The following IL1RAPL2 variants were observed in gnomAD, a reference collection of about 807,000 sequenced individuals.
The protein encoded by IL1RAPL2 is interleukin 1 receptor accessory protein like 2, also known as X-linked interleukin-1 receptor accessory protein-like 2.
In IL1RAPL2, 3 loss-of-function variants were observed where a neutral mutation model predicts 44.1. The observed-to-expected ratio is 0.07, with a 90% CI of 0.03 to 0.18. IL1RAPL2 has a LOEUF of 0.18. Ranked by LOEUF, IL1RAPL2 falls within the 10% of genes least tolerant of loss-of-function variation. The pLI is 1.00. For synonymous variants in IL1RAPL2, 181 were observed against 178.8 expected, an observed-to-expected ratio of 1.01 and a Z score of -0.10; for missense variants, 391 against 496.4, an observed-to-expected ratio of 0.79 and a Z score of 2.02.
chrX:104,569,756 G>T (rs1928109543), intron 1 of IL1RAPL2, among the ~76,000 whole-genome samples: 1 of 112,446 alleles, frequency 8.9e-6, no homozygotes, highest in Admixed American at 9.4e-5. Flanking sequence ...GAAGGGGAAA[G>T]ATTGGGAAGG....
intron 1 of IL1RAPL2, among the ~76,000 whole-genome samples, chrX:104,644,018 G>A (rs1929986658): frequency 9.0e-6 from 1 of 111,341 alleles, no homozygotes; most frequent in Admixed American, 9.5e-5. Flanking sequence ...AAGTTTTTTG[G>A]CATGGTGGTA....
chrX:104,730,056 GGAAGGTCACTACTTAAT>G (rs1931872553), intron 2 of IL1RAPL2, among the ~76,000 whole-genome samples: 1 of 110,463 alleles, frequency 9.1e-6, no homozygotes, highest in Non-Finnish European at 1.9e-5. Flanking sequence ...TTAGGGACAT[GGAAGGTCACTACTTAAT>G]GATAAAAGAC....
chrX:105,503,378 T>C (rs1030566324), intron 6 of IL1RAPL2, among the ~76,000 whole-genome samples: 1 of 111,660 alleles, frequency 9.0e-6, no homozygotes, highest in Non-Finnish European at 1.9e-5. Flanking sequence ...AATCAGTGAA[T>C]GGCTACCACA....
chrX:105,012,674 CAGAG>C (rs59693765), intron 2 of IL1RAPL2, among the ~76,000 whole-genome samples: 12 of 81,284 alleles, frequency 1.5e-4, no homozygotes, highest in Admixed American at 1.1e-3. Flanking sequence ...CACACACACA[CAGAG>C]AGAGAGAGAG....
intron 2 of IL1RAPL2, among the ~76,000 whole-genome samples, chrX:105,016,880 GA>G (rs1351471791): frequency 2.7e-5 from 3 of 111,552 alleles, no homozygotes; most frequent in Admixed American, 9.5e-5. Context: ...AATAGTTTCA[GA>G]AGGAATGGTA....
At chrX:104,597,548 A>C (rs1328391374) in intron 1 of IL1RAPL2, among the ~76,000 whole-genome samples, 2 of 111,493 alleles carry the variant, frequency 1.8e-5, no homozygotes, top group Non-Finnish European at 3.8e-5. Context: ...GAGAGATGTT[A>C]ATGACTGATT....
intron 5 of IL1RAPL2, among the ~76,000 whole-genome samples, chrX:105,311,611 T>TACACACAC (rs369751919): frequency 3.2e-5 from 3 of 92,559 alleles, no homozygotes; most frequent in East Asian, 3.3e-4. Context: ...TATACATACA[T>TACACACAC]ACACACACAC....
intron 2 of IL1RAPL2, among the ~76,000 whole-genome samples, chrX:104,726,275 A>G (rs1448120151): frequency 9.0e-6 from 1 of 111,691 alleles, no homozygotes; most frequent in African/African-American, 3.3e-5. Flanking sequence ...TGTTTTGGTT[A>G]CTGTAGCCTT....
intron 6 of IL1RAPL2, among the ~76,000 whole-genome samples, chrX:105,653,974 C>T (rs992125288): frequency 3.6e-5 from 4 of 110,209 alleles, no homozygotes; most frequent in Non-Finnish European, 5.7e-5. Flanking sequence ...TGTGCACACA[C>T]ACAAACACAC....
intron 6 of IL1RAPL2, among the ~76,000 whole-genome samples, chrX:105,542,478 G>C (rs1046193572): frequency 3.6e-5 from 4 of 110,682 alleles, no homozygotes; most frequent in African/African-American, 1.3e-4. Context: ...TCAATGTTTA[G>C]TTTTAAGAAG....
chrX:104,656,604 C>T (rs927698439), intron 1 of IL1RAPL2, among the ~76,000 whole-genome samples: 9 of 111,284 alleles, frequency 8.1e-5, no homozygotes, highest in African/African-American at 2.6e-4. Flanking sequence ...ACTATGTGGT[C>T]GGTTTTGGAA....
At chrX:105,411,117 A>G (rs1260726815) in intron 5 of IL1RAPL2, among the ~76,000 whole-genome samples, 2 of 111,829 alleles carry the variant, frequency 1.8e-5, no homozygotes, top group African/African-American at 6.5e-5. Flanking sequence ...TCTAAGATTC[A>G]TTATGTTAGT....
intron 2 of IL1RAPL2, among the ~76,000 whole-genome samples, chrX:104,706,822 T>C (rs1360563689): frequency 8.9e-6 from 1 of 111,740 alleles, no homozygotes; most frequent in Admixed American, 9.6e-5. Flanking sequence ...TATGTGGGAA[T>C]TGAACTACCT....
intron 2 of IL1RAPL2, among the ~76,000 whole-genome samples, chrX:104,675,562 A>G (rs1179245140): frequency 9.0e-6 from 1 of 111,067 alleles, no homozygotes; most frequent in Non-Finnish European, 1.9e-5. Flanking sequence ...GTGCTGAAAA[A>G]AATGTATATT....
At chrX:104,814,300 T>G (rs1226108835) in intron 2 of IL1RAPL2, among the ~76,000 whole-genome samples, 1 of 112,342 alleles carries the variant, frequency 8.9e-6, no homozygotes, top group African/African-American at 3.2e-5. Flanking sequence ...AATCTGACCT[T>G]TCTCTGAACT....
chrX:104,839,383 A>G (rs1921839099), intron 2 of IL1RAPL2, among the ~76,000 whole-genome samples: 1 of 111,829 alleles, frequency 8.9e-6, no homozygotes, highest in Non-Finnish European at 1.9e-5. Context: ...ATGATGGATT[A>G]CGTTTATTGA....
chrX:105,532,406 C>T (rs59711263), intron 6 of IL1RAPL2, among the ~76,000 whole-genome samples: 7,503 of 111,072 alleles, frequency 0.068, 640 homozygotes, highest in African/African-American at 0.23. Context: ...ATATCAACAA[C>T]AAACTGTTTA....
chrX:104,992,577 T>G (rs1458684872), intron 2 of IL1RAPL2, among the ~76,000 whole-genome samples: 3 of 111,117 alleles, frequency 2.7e-5, no homozygotes, highest in Non-Finnish European at 5.7e-5. Flanking sequence ...GAGAATGACA[T>G]CAAGGAAGAC....
At chrX:105,364,198 C>A (rs2035275731) in intron 5 of IL1RAPL2, among the ~76,000 whole-genome samples, 1 of 111,612 alleles carries the variant, frequency 9.0e-6, no homozygotes, top group South Asian at 3.6e-4. Flanking sequence ...GTTGTATGTT[C>A]TTGGCACCTA....
Sources: gnomAD v4.1 joint callset for allele counts (sites outside exome capture counted in the v4.1 genomes callset) on GRCh38, gnomAD v4.1.1 for gene constraint, MANE v1.5 for transcripts, NCBI Gene and HGNC (gene_info 2026-07-23, HGNC 2026-07-21) for gene names.